Variants in MTRF1 observed in about 807,000 individuals in gnomAD.
MTRF1 encodes the protein mitochondrial translation release factor 1, also known as peptide chain release factor 1, mitochondrial.
A neutral mutation model predicts 62.9 loss-of-function variants in MTRF1; 51 were observed. The ratio of observed to expected loss-of-function variants is 0.81; its 90% CI spans 0.65 to 1.02. The LOEUF is 1.02. Ranked by LOEUF, MTRF1 falls within the 50% of genes least tolerant of loss-of-function variation. The pLI is 0.00. For missense variants in MTRF1, 446 were observed against 530.0 expected, an observed-to-expected ratio of 0.84 and a Z score of 1.56; for synonymous variants, 158 against 181.9, an observed-to-expected ratio of 0.87 and a Z score of 1.06.
chr13:41,248,184 C>T (rs926999776), intron 5 of MTRF1, among the ~76,000 whole-genome samples: 3 of 152,104 alleles, frequency 2.0e-5, no homozygotes, highest in East Asian at 1.9e-4. Context: ...GAAACTGGTG[C>T]GATGTTGACT....
At chr13:41,238,216 T>C (rs2036977283) in intron 6 of MTRF1, among the ~76,000 whole-genome samples, 1 of 152,170 alleles carries the variant, frequency 6.6e-6, no homozygotes, top group South Asian at 2.1e-4. Context: ...TGAGGCAGGA[T>C]AGTACAAAAT....
the MTRF1 span, among the ~76,000 whole-genome samples, chr13:41,284,932 C>T: frequency 6.6e-6 from 1 of 152,148 alleles, no homozygotes; most frequent in Non-Finnish European, 1.5e-5. Context: ...GGATTACAGG[C>T]ATGAGCCACT....
At chr13:41,236,495 G>A (rs7999394) in intron 6 of MTRF1, 96,872 of 152,038 alleles carry the variant, frequency 0.64, 31,116 homozygotes, top group Admixed American at 0.66. Flanking sequence ...ACAGAAAGCA[G>A]ATGTGACTTT....
At chr13:41,289,963 T>C in the MTRF1 span, among the ~76,000 whole-genome samples, 1,205 of 152,236 alleles carry the variant, frequency 7.9e-3, 16 homozygotes, top group African/African-American at 0.028. Flanking sequence ...GGAAAACGCT[T>C]CCACAACTAG....
chr13:41,274,495 T>C, the MTRF1 span, among the ~76,000 whole-genome samples: 1 of 152,118 alleles, frequency 6.6e-6, no homozygotes, highest in Admixed American at 6.6e-5. Flanking sequence ...GTAGATGTTA[T>C]AACTGGTTAA....
At chr13:41,279,155 AT>A in the MTRF1 span, among the ~76,000 whole-genome samples, 7 of 151,736 alleles carry the variant, frequency 4.6e-5, no homozygotes, top group African/African-American at 1.7e-4. Flanking sequence ...TGCCCAGCTA[AT>A]TTTTTGTATT....
the MTRF1 span, among the ~76,000 whole-genome samples, chr13:41,306,947 C>G: frequency 1.3e-5 from 2 of 152,146 alleles, no homozygotes; most frequent in African/African-American, 2.4e-5. Context: ...GTTATTATAA[C>G]CCCATTTTCT....
chr13:41,297,597 AC>A, the MTRF1 span, among the ~76,000 whole-genome samples: 2 of 149,340 alleles, frequency 1.3e-5, no homozygotes, highest in Non-Finnish European at 3.0e-5. Flanking sequence ...TTTTTCTGAG[AC>A]CGGGTCTTGC....
chr13:41,286,423 T>A, the MTRF1 span, among the ~76,000 whole-genome samples: 2 of 152,206 alleles, frequency 1.3e-5, no homozygotes, highest in Non-Finnish European at 2.9e-5. Flanking sequence ...ACCATCTCTG[T>A]CAACACCGGA....
In MTRF1 at chr13:41,254,611, T is replaced by A; in HGVS notation, c.425A>T (p.Lys142Ile). The A allele has an allele frequency of 6.2e-7, 1 of 1,612,780 alleles. No homozygotes were observed. The highest frequency in any genetic ancestry group is 2.2e-5 in the East Asian group (1 of 44,812). The change falls in exon 3 of 10, where the codon AAA becomes ATA. Residue 142 changes from lysine (K) to isoleucine (I), a missense_variant. Coordinates refer to ENST00000379480, the MANE Select transcript of MTRF1 (RefSeq NM_004294.4). ...TTCTTGTAACTGCTTTTCATCTTGT[T>A]TATTTAGGCCTAAAAGCCAGAAACA... ...ELESMCKSLN[K>I]QDEKQLQELA...
At chr13:41,257,804 G>T (rs1397604986) in intron 2 of MTRF1, 1 of 446,112 alleles carries the variant, frequency 2.2e-6, no homozygotes, top group South Asian at 1.6e-5. Context: ...TCTCTTAAAA[G>T]AAACAAAAAG....
chr13:41,260,963 T>TA, intron 1 of MTRF1, 48 bp from the exon 2 acceptor site: 2 of 1,460,912 alleles, frequency 1.4e-6, no homozygotes, highest in Non-Finnish European at 1.8e-6. Flanking sequence ...TCTCTAAAGA[T>TA]ACATGCATAA....
At chr13:41,232,960 C>G (rs2035852145) in intron 7 of MTRF1, among the ~76,000 whole-genome samples, 1 of 152,140 alleles carries the variant, frequency 6.6e-6, no homozygotes, top group South Asian at 2.1e-4. Context: ...GAAATGAAAT[C>G]ACAGGACTGT....
At chr13:41,254,135 C>T (rs995380168) in intron 3 of MTRF1, among the ~76,000 whole-genome samples, 1 of 152,192 alleles carries the variant, frequency 6.6e-6, no homozygotes, top group African/African-American at 2.4e-5. Context: ...TATTTTTACA[C>T]CTTTGGATTC....
chr13:41,230,149 T>G (rs2035267240), intron 7 of MTRF1, among the ~76,000 whole-genome samples: 1 of 151,810 alleles, frequency 6.6e-6, no homozygotes, highest in Non-Finnish European at 1.5e-5. Flanking sequence ...AAAAATGGCA[T>G]ATTTTTATAT....
chr13:41,226,855 C>T (rs969693246), intron 7 of MTRF1, among the ~76,000 whole-genome samples: 4 of 152,186 alleles, frequency 2.6e-5, no homozygotes, highest in Non-Finnish European at 5.9e-5. Flanking sequence ...CCTCCTAGCT[C>T]ATCCGGGCAT....
rs547361219 is a variant in MTRF1, at chr13:41,263,379, G to A, written c.-9+106C>T. 7.4e-6 allele frequency: 8 copies of A among 1,074,402 alleles called. No homozygotes were observed. The East Asian group carries it at 4.1e-4, about 55-fold the overall frequency. 66.6% of individuals were successfully genotyped at this position (1,074,402 alleles called of 1,614,324 possible). The stretch of plus-strand genomic sequence containing the variant: ...GCAGGTCAGAAGCGACAGCCCGCGG[G>A]GCAGCAGCACGGGCAAACCATGCTG... On this transcript the variant is annotated intron_variant, in intron 1 of 9. Transcript: ENST00000379480.
Position 41,263,502 on chromosome 13 carries a change from A to C in MTRF1, c.-26T>G. The stretch of plus-strand genomic sequence containing the variant: ...GTGAGTACCTAAGAAAAAGAAGAAT[A>C]CACGTTAGCTCTCTTTACTGAGGTC... On this transcript the variant is annotated 5_prime_UTR_variant, in exon 1 of 10. Transcript: ENST00000379480. 1 of 293,604 alleles carries C rather than the reference A, an allele frequency of 3.4e-6. No individual in the cohort carries two copies. Among genetic ancestry groups the C allele is most frequent in the South Asian group, 2.9e-5 (1 of 34,252 alleles). 18.2% of individuals were successfully genotyped at this position (293,604 alleles called of 1,614,324 possible).
the MTRF1 span, among the ~76,000 whole-genome samples, chr13:41,306,003 G>T: frequency 4.6e-5 from 7 of 152,144 alleles, no homozygotes; most frequent in Admixed American, 6.5e-5. Context: ...TGGGAGGAGA[G>T]TAACTGATGA....
Sources: gnomAD v4.1 joint callset for allele counts (sites outside exome capture counted in the v4.1 genomes callset) on GRCh38, gnomAD v4.1.1 for gene constraint, MANE v1.5 for transcripts, NCBI Gene and HGNC (gene_info 2026-07-23, HGNC 2026-07-21) for gene names.